The following CSTPP1 variants were observed in gnomAD, a reference collection of about 807,000 sequenced individuals.
CSTPP1 encodes UPF0705 protein C11orf49.
At chr11:47,108,070 G>A in the CSTPP1 span, among the ~76,000 whole-genome samples, 2 of 152,224 alleles carry the variant, frequency 1.3e-5, no homozygotes, top group Non-Finnish European at 2.9e-5. Context: ...ATATTGCAAA[G>A]GTACTCATCA....
At chr11:47,122,483 G>A in the CSTPP1 span, among the ~76,000 whole-genome samples, 50 of 152,066 alleles carry the variant, frequency 3.3e-4, no homozygotes, top group Admixed American at 1.2e-3. Context: ...CCTGCCTGCC[G>A]GCCTGCCATC....
At chr11:46,993,126 T>G in the CSTPP1 span, among the ~76,000 whole-genome samples, 1 of 152,248 alleles carries the variant, frequency 6.6e-6, no homozygotes, top group African/African-American at 2.4e-5. Context: ...CTTTGTAGAT[T>G]CTGGATAGTA....
the CSTPP1 span, among the ~76,000 whole-genome samples, chr11:47,135,976 A>T: frequency 4.8e-5 from 7 of 144,444 alleles, no homozygotes; most frequent in South Asian, 2.2e-4. Context: ...TAATTAAGTA[A>T]CTCTCTCTCT....
the CSTPP1 span, among the ~76,000 whole-genome samples, chr11:46,970,155 A>G: frequency 6.6e-6 from 1 of 152,148 alleles, no homozygotes; most frequent in Non-Finnish European, 1.5e-5. Flanking sequence ...GGTGCTGATT[A>G]TAAGTATAAA....
chr11:46,982,428 A>G, the CSTPP1 span, among the ~76,000 whole-genome samples: 1 of 152,052 alleles, frequency 6.6e-6, no homozygotes, highest in Non-Finnish European at 1.5e-5. Flanking sequence ...TTATTCTATT[A>G]TTGGGACTCT....
At chr11:47,153,393 G>A in the CSTPP1 span, among the ~76,000 whole-genome samples, 30 of 152,346 alleles carry the variant, frequency 2.0e-4, no homozygotes, top group East Asian at 3.9e-3. Flanking sequence ...CCCAGGAGAT[G>A]CCTAACATAT....
At chr11:47,101,002 ATT>A in the CSTPP1 span, among the ~76,000 whole-genome samples, 6 of 139,340 alleles carry the variant, frequency 4.3e-5, no homozygotes, top group Non-Finnish European at 6.3e-5. Context: ...TTCTGAGGGA[ATT>A]TTTTTTTTTT....
chr11:47,060,036 G>C, the CSTPP1 span, among the ~76,000 whole-genome samples: 1 of 151,540 alleles, frequency 6.6e-6, no homozygotes, highest in East Asian at 2.0e-4. Flanking sequence ...TCTGGGAGGT[G>C]GAGGTTGCAG....
the CSTPP1 span, among the ~76,000 whole-genome samples, chr11:47,101,220 C>G: frequency 8.5e-6 from 1 of 118,062 alleles, no homozygotes. Context: ...GGGGTTTCAC[C>G]ATGTTGGTCA....
the CSTPP1 span, among the ~76,000 whole-genome samples, chr11:47,015,697 A>G: frequency 6.6e-6 from 1 of 152,048 alleles, no homozygotes; most frequent in Non-Finnish European, 1.5e-5. Context: ...AGACATTTCC[A>G]GAAAAGAAAA....
chr11:46,939,856 C>T, the CSTPP1 span, among the ~76,000 whole-genome samples: 374 of 151,822 alleles, frequency 2.5e-3, 1 homozygote, highest in African/African-American at 8.2e-3. Context: ...AAGTAATTTC[C>T]GTTTCTTTTG....
the CSTPP1 span, among the ~76,000 whole-genome samples, chr11:46,937,612 C>T: frequency 6.6e-6 from 1 of 152,190 alleles, no homozygotes; most frequent in Non-Finnish European, 1.5e-5. Flanking sequence ...CTCTGTCGCC[C>T]GGGCTGGAGT....
the CSTPP1 span, among the ~76,000 whole-genome samples, chr11:46,972,375 T>C: frequency 4.6e-5 from 7 of 152,296 alleles, no homozygotes; most frequent in East Asian, 1.9e-4. Context: ...CCAGGTCTTA[T>C]ATAATGAGAC....
the CSTPP1 span, among the ~76,000 whole-genome samples, chr11:47,008,826 C>T: frequency 6.6e-6 from 1 of 151,950 alleles, no homozygotes. Flanking sequence ...GTCAGGAGAT[C>T]GAGACCATCC....
the CSTPP1 span, among the ~76,000 whole-genome samples, chr11:47,118,419 T>C: frequency 6.6e-6 from 1 of 152,222 alleles, no homozygotes; most frequent in Non-Finnish European, 1.5e-5. Context: ...TCGGAGAAGT[T>C]TGTTATTACC....
At chr11:46,988,050 A>T in the CSTPP1 span, among the ~76,000 whole-genome samples, 2 of 152,344 alleles carry the variant, frequency 1.3e-5, no homozygotes, top group East Asian at 3.9e-4. Context: ...TGTATCCTAA[A>T]GACAGGCAAT....
chr11:47,139,060 G>A, the CSTPP1 span, among the ~76,000 whole-genome samples: 7 of 139,756 alleles, frequency 5.0e-5, no homozygotes, highest in South Asian at 6.9e-4. Flanking sequence ...CATGTTTATC[G>A]AAGAATGCCT....
the CSTPP1 span, among the ~76,000 whole-genome samples, chr11:47,044,338 G>T: frequency 2.0e-5 from 3 of 151,750 alleles, no homozygotes; most frequent in Non-Finnish European, 4.4e-5. Flanking sequence ...TTTGTTTTTT[G>T]TTGTTGTTGT....
chr11:47,061,861 C>T, the CSTPP1 span, among the ~76,000 whole-genome samples: 1 of 151,520 alleles, frequency 6.6e-6, no homozygotes, highest in Non-Finnish European at 1.5e-5. Context: ...AATTGATGGC[C>T]CCTCAAATCA....
Sources: gnomAD v4.1 joint callset for allele counts (sites outside exome capture counted in the v4.1 genomes callset) on GRCh38, gnomAD v4.1.1 for gene constraint, MANE v1.5 for transcripts, NCBI Gene and HGNC (gene_info 2026-07-23, HGNC 2026-07-21) for gene names.